API5: variants seen among roughly 807,000 people sequenced by gnomAD.
API5 encodes the protein FIF.
Under a neutral mutation model 71.9 loss-of-function variants are expected in API5, and 6 were observed. The observed-to-expected ratio is 0.08, with a 90% CI of 0.05 to 0.16. The LOEUF is 0.16. API5 is among the 10% of genes least tolerant of loss of function. API5 has a pLI of 1.00. For synonymous variants in API5, 189 were observed against 221.3 expected (o/e 0.85, Z 1.30); for missense variants, 332 against 612.8 (o/e 0.54, Z 4.84).
At chr11:43,342,085 T>G (rs565012395) in intron 13 of API5, among the ~76,000 whole-genome samples, 1 of 152,054 alleles carries the variant, frequency 6.6e-6, no homozygotes, top group Non-Finnish European at 1.5e-5. Flanking sequence ...TTCAATGTTA[T>G]GGTGAACTGT....
intron 9 of API5, 36 bp downstream of exon 9, chr11:43,328,929 A>G (rs763293399): frequency 2.5e-6 from 4 of 1,607,220 alleles, no homozygotes; most frequent in East Asian, 4.5e-5. Flanking sequence ...TCCTTGGCAA[A>G]GGTGGTAGCT....
At chr11:43,336,913 C>A (rs548823311) in intron 13 of API5, among the ~76,000 whole-genome samples, 6 of 146,092 alleles carry the variant, frequency 4.1e-5, no homozygotes, top group African/African-American at 1.5e-4. Context: ...GAGGCTGAGG[C>A]AGGAGAATGG....
At chr11:43,327,690 A>G in intron 7 of API5, 99 bp from the exon 8 acceptor site, 1 of 825,386 alleles carries the variant, frequency 1.2e-6, no homozygotes, top group Non-Finnish European at 1.9e-6. Flanking sequence ...CTGTGAAAAC[A>G]TAATTGAAAA....
chr11:43,335,271 T>C lies in API5; in HGVS notation c.1279-7T>C. 2 of 1,595,768 alleles carry C rather than the reference T, an allele frequency of 1.3e-6. No individual in the cohort carries two copies. Among genetic ancestry groups the C allele is most frequent in the Non-Finnish European group, 1.7e-6 (2 of 1,164,026 alleles). On this transcript the variant is annotated splice_region_variant and splice_polypyrimidine_tract_variant and intron_variant, in intron 11 of 13. Coordinates refer to ENST00000531273, the MANE Select transcript of API5 (RefSeq NM_001142930.2). The stretch of plus-strand genomic sequence containing the variant: ...TTAGAATTCTTGCCTGATTTCTGTC[T>C]CTGCAGGATCTCTTCCACATTCCTC...
rs1436354520 is a variant in API5 at position 43,344,084 on chromosome 11, A to G, written c.*1574A>G. On this transcript the variant is annotated 3_prime_UTR_variant, in exon 14 of 14. Transcript: ENST00000531273. ...AACATTCCAAAAGACCATGAGCTGA[A>G]CCTAAACTCCCTTGGAATCTGAACA... is the stretch of plus-strand genomic sequence containing the variant. 1 of 152,664 alleles carries G rather than the reference A, an allele frequency of 6.6e-6. No individual in the cohort carries two copies. The highest frequency in any genetic ancestry group is 1.9e-4 in the East Asian group (1 of 5,194). The allele number at this position is 152,664 out of a possible 1,614,324, so 9.5% of individuals were successfully genotyped here. A position where few individuals can be genotyped will look rare whatever the true frequency, so the allele number is the denominator to read the frequency against.
At chr11:43,315,561 T>A (rs1427340868) in intron 1 of API5, among the ~76,000 whole-genome samples, 1 of 152,224 alleles carries the variant, frequency 6.6e-6, no homozygotes, top group East Asian at 1.9e-4. Flanking sequence ...AAGGGAACTT[T>A]ATCATACACA....
chr11:43,323,772 GATTTTTGAAT>G (rs1246846665), intron 6 of API5, 136 bp downstream of exon 6: 10 of 856,982 alleles, frequency 1.2e-5, no homozygotes, highest in Non-Finnish European at 1.8e-5. Context: ...AGTGTATTCA[GATTTTTGAAT>G]ATTTGCATTG....
At chr11:43,331,027 C>G (rs77680453) in intron 11 of API5, among the ~76,000 whole-genome samples, 5,837 of 152,208 alleles carry the variant, frequency 0.038, 150 homozygotes, top group Middle Eastern at 0.082. Flanking sequence ...GTAGCCATCA[C>G]TTGTATTATA....
rs528573128 is a variant in API5 at position 43,341,136 on chromosome 11, A to C, written c.1493-1292A>C. 1.4e-4 allele frequency among the ~76,000 whole-genome samples: 22 copies of C among 152,356 alleles called. No individual in the cohort carries two copies. In the South Asian group the frequency reaches 4.6e-3, roughly 32 times the overall value. ...ATCTGAACAGACATTTCTCAAAAGA[A>C]GACGTACAAATGGCCAATAAATGTA... On this transcript the variant is annotated intron_variant, in intron 13 of 13. Transcript: ENST00000531273.
chr11:43,312,234 C>T (rs201737045), intron 1 of API5, 38 bp downstream of exon 1: 4 of 1,600,244 alleles, frequency 2.5e-6, no homozygotes, highest in Admixed American at 3.4e-5. Flanking sequence ...GGGCCTGGCG[C>T]TCCGCGGCCT....
chr11:43,318,538 T>G, intron 1 of API5, 102 bp from the exon 2 acceptor site: 1 of 1,573,408 alleles, frequency 6.4e-7, no homozygotes, highest in East Asian at 2.3e-5. Context: ...TCTTAGCCTG[T>G]GTAAAAATTT....
chr11:43,342,859 C>CA lies in API5; in HGVS notation c.*350dup. ...TCAGTCTAGTTCTGCTGATAAAGAT[C>CA]ATCAGTTTTGAAAGGTTACTGATTT... is the stretch of plus-strand genomic sequence containing the variant. On this transcript the variant is annotated 3_prime_UTR_variant, in exon 14 of 14. Transcript: ENST00000531273. 5.5e-6 allele frequency: 3 copies of CA among 543,948 alleles called. No homozygotes were observed. The South Asian group carries it at 7.8e-5, about 14-fold the overall frequency. 33.7% of individuals were successfully genotyped at this position (543,948 alleles called of 1,614,324 possible). A position where few individuals can be genotyped will look rare whatever the true frequency, so the allele number is the denominator to read the frequency against.
At chr11:43,334,851 A>G (rs2902366) in intron 11 of API5, among the ~76,000 whole-genome samples, 54,574 of 151,902 alleles carry the variant, frequency 0.36, 11,298 homozygotes, top group East Asian at 0.75. Context: ...TGGTGCTGGC[A>G]GTAAAGCTTT....
intron 6 of API5, among the ~76,000 whole-genome samples, chr11:43,325,163 T>C (rs1855027465): frequency 6.6e-6 from 1 of 151,882 alleles, no homozygotes; most frequent in Non-Finnish European, 1.5e-5. Context: ...AATAAACTTG[T>C]ACTTATAACA....
intron 1 of API5, among the ~76,000 whole-genome samples, chr11:43,317,989 T>TTTG (rs1565100677): frequency 1.3e-5 from 2 of 150,704 alleles, no homozygotes; most frequent in Admixed American, 6.6e-5. Flanking sequence ...ATTACAATTG[T>TTTG]TTTGTTTGTT....
chr11:43,333,161 G>C (rs1687084692), intron 11 of API5, among the ~76,000 whole-genome samples: 1 of 152,142 alleles, frequency 6.6e-6, no homozygotes, highest in Non-Finnish European at 1.5e-5. Flanking sequence ...TGTATCCAAA[G>C]TGGATTGGTT....
chr11:43,320,077 A>C (rs1358608069), intron 2 of API5, among the ~76,000 whole-genome samples: 1 of 114,748 alleles, frequency 8.7e-6, no homozygotes, highest in Non-Finnish European at 1.7e-5. Context: ...AAGGAGCCTT[A>C]CTCTATTGGC....
intron 1 of API5, among the ~76,000 whole-genome samples, chr11:43,316,574 A>G (rs2134340527): frequency 6.6e-6 from 1 of 152,300 alleles, no homozygotes; most frequent in Non-Finnish European, 1.5e-5. Flanking sequence ...AAAGTGGTAG[A>G]GAAGTCAGCA....
At chr11:43,334,247 A>C (rs1855354500) in intron 11 of API5, among the ~76,000 whole-genome samples, 1 of 152,026 alleles carries the variant, frequency 6.6e-6, no homozygotes, top group Admixed American at 6.6e-5. Context: ...TAATTTCACA[A>C]CTTCATTTTT....
Sources: gnomAD v4.1 joint callset for allele counts (sites outside exome capture counted in the v4.1 genomes callset) on GRCh38, gnomAD v4.1.1 for gene constraint, MANE v1.5 for transcripts, NCBI Gene and HGNC (gene_info 2026-07-23, HGNC 2026-07-21) for gene names.